Variants in RASSF6 observed in about 807,000 individuals in gnomAD.
The protein encoded by RASSF6 is ras association domain-containing protein 6.
In RASSF6, 52 loss-of-function variants were observed where a neutral mutation model predicts 44.0. The observed-to-expected ratio is 1.18, with a 90% CI of 0.95 to 1.49. The LOEUF (loss-of-function observed/expected upper bound fraction) is 1.49. Ranked by LOEUF, RASSF6 falls within the 40% of genes most tolerant of loss-of-function variation. The probability of loss-of-function intolerance (pLI) is 0.00; values close to 1 mark genes in which losing one functional copy is unlikely to be tolerated. For synonymous variants in RASSF6, 162 were observed against 124.6 expected, an observed-to-expected ratio of 1.30 and a Z score of -2.00; for missense variants, 464 against 393.3, an observed-to-expected ratio of 1.18 and a Z score of -1.52.
At chr4:73,620,159 C>T (rs1726607324) in intron 1 of RASSF6, 129 bp downstream of exon 1, 4 of 482,754 alleles carry the variant, frequency 8.3e-6, no homozygotes, top group Non-Finnish European at 1.0e-5. Context: ...GGCATGTGTG[C>T]GATTCAGGCT....
At chr4:73,605,277 A>G (rs556172314) in intron 2 of RASSF6, among the ~76,000 whole-genome samples, 11 of 152,322 alleles carry the variant, frequency 7.2e-5, no homozygotes, top group African/African-American at 2.4e-4. Flanking sequence ...ATGTTTTTGG[A>G]AAGATGGAAT....
intron 1 of RASSF6, among the ~76,000 whole-genome samples, chr4:73,618,754 C>A (rs1161341175): frequency 1.3e-5 from 2 of 152,098 alleles, no homozygotes; most frequent in Non-Finnish European, 2.9e-5. Flanking sequence ...AAAAAAGAAT[C>A]CATTAAAACA....
At chr4:73,578,724 T>G (rs543318403) in intron 8 of RASSF6, among the ~76,000 whole-genome samples, 1 of 151,910 alleles carries the variant, frequency 6.6e-6, no homozygotes, top group South Asian at 2.1e-4. Flanking sequence ...TTCTCCTGTC[T>G]CAGCTTCCTG....
chr4:73,587,511 A>G (rs1724189450), intron 5 of RASSF6, among the ~76,000 whole-genome samples: 1 of 152,064 alleles, frequency 6.6e-6, no homozygotes, highest in Non-Finnish European at 1.5e-5. Context: ...AAATGACTCT[A>G]ATCTTTGGGG....
chr4:73,618,412 C>T lies in RASSF6; in HGVS notation c.-35+1876G>A, dbSNP rs142533328. On this transcript the variant is annotated intron_variant, in intron 1 of 10. Coordinates refer to ENST00000307439, the MANE Select transcript of RASSF6 (RefSeq NM_177532.5). ...TTCAAATATGGTTAAATAAATTTAT[C>T]TCAATTGGGGCTACTATTCTTTATT... is the stretch of plus-strand genomic sequence containing the variant. Among the ~76,000 whole-genome samples the T allele has an allele frequency of 3.9e-3, 595 of 152,010 alleles. 3 individuals are homozygous for T. Among genetic ancestry groups the T allele is most frequent in the African/African-American group, 0.013 (554 of 41,488 alleles).
chr4:73,604,478 AC>A (rs1263907316), intron 2 of RASSF6: 3 of 151,298 alleles, frequency 2.0e-5, no homozygotes, highest in Non-Finnish European at 4.4e-5. Flanking sequence ...TCTCAAAAAA[AC>A]AAAACAAAAC....
At chr4:73,579,854 CTTTAT>C (rs949014608) in intron 8 of RASSF6, among the ~76,000 whole-genome samples, 31 of 151,370 alleles carry the variant, frequency 2.0e-4, no homozygotes, top group South Asian at 8.3e-4. Flanking sequence ...AAAAATAGAT[CTTTAT>C]TTTATTTTAT....
intron 3 of RASSF6, among the ~76,000 whole-genome samples, chr4:73,596,108 C>A (rs1413032017): frequency 1.3e-5 from 2 of 152,080 alleles, no homozygotes. Flanking sequence ...AAACATAAGG[C>A]CACTTTGTAC....
At chr4:73,603,068 A>T (rs1725390115) in intron 2 of RASSF6, among the ~76,000 whole-genome samples, 1 of 152,156 alleles carries the variant, frequency 6.6e-6, no homozygotes, top group South Asian at 2.1e-4. Context: ...AGCCTGGGCG[A>T]CGGAGCAAGT....
At chr4:73,591,859 A>G (rs1724583934) in intron 4 of RASSF6, among the ~76,000 whole-genome samples, 1 of 152,186 alleles carries the variant, frequency 6.6e-6, no homozygotes, top group South Asian at 2.1e-4. Flanking sequence ...CACTGGGATG[A>G]ATAAAGCAAA....
chr4:73,595,736 A>C (rs964527979), intron 3 of RASSF6, among the ~76,000 whole-genome samples: 4 of 152,162 alleles, frequency 2.6e-5, no homozygotes, highest in African/African-American at 9.7e-5. Context: ...ATACAGGACA[A>C]TGTTGAAATA....
Position 73,576,675 on chromosome 4 carries a change from G to T in RASSF6, c.778C>A (p.Pro260Thr), listed in dbSNP as rs752839642. 1.7e-5 allele frequency: 28 copies of T among 1,613,652 alleles called. No homozygotes were observed. In the African/African-American group the frequency reaches 2.5e-4, roughly 15 times the overall value. ...AAAATGCGAGCATTCTTTTCAGAAG[G>T]TCCCTGTAGGAGCCTCTGCAGTAGC... The part of the protein sequence containing the change: ...IPLLQRLLQG[P>T]SEKNARIFLM... Residue 260 changes from proline to threonine, a missense_variant, in exon 9 of 11, where the codon CCT becomes ACT. Coordinates refer to ENST00000307439, the MANE Select transcript of RASSF6 (RefSeq NM_177532.5).
chr4:73,582,004 G>C (rs562004896), intron 7 of RASSF6, 136 bp from the exon 8 acceptor site: 1 of 703,624 alleles, frequency 1.4e-6, no homozygotes, highest in East Asian at 2.8e-5. Context: ...CTGCTCTTAT[G>C]GGAATTATAT....
intron 6 of RASSF6, among the ~76,000 whole-genome samples, chr4:73,583,969 C>T (rs1160926473): frequency 1.3e-5 from 2 of 152,216 alleles, no homozygotes; most frequent in East Asian, 3.9e-4. Context: ...AATCTGAAAG[C>T]CACTTGCTTG....
intron 2 of RASSF6, among the ~76,000 whole-genome samples, chr4:73,601,538 G>A (rs2149387693): frequency 6.6e-6 from 1 of 152,364 alleles, no homozygotes; most frequent in East Asian, 1.9e-4. Flanking sequence ...ATTTTGGAGT[G>A]TTGAAGATTA....
intron 8 of RASSF6, among the ~76,000 whole-genome samples, chr4:73,578,627 T>A (rs890870226): frequency 3.6e-5 from 5 of 140,656 alleles, no homozygotes; most frequent in African/African-American, 1.0e-4. Flanking sequence ...TTTAAACAAA[T>A]CATTTTTTCT....
chr4:73,597,515 A>G (rs1725009834), intron 3 of RASSF6, among the ~76,000 whole-genome samples: 1 of 152,202 alleles, frequency 6.6e-6, no homozygotes, highest in Non-Finnish European at 1.5e-5. Flanking sequence ...ACCCTTATAC[A>G]CTGCTGGGGA....
At chr4:73,605,732 C>A (rs1725575083) in intron 2 of RASSF6, among the ~76,000 whole-genome samples, 1 of 152,240 alleles carries the variant, frequency 6.6e-6, no homozygotes, top group South Asian at 2.1e-4. Context: ...ACTCTTCCAA[C>A]TTCAAATACC....
At chr4:73,607,045 G>T (rs184239605) in intron 2 of RASSF6, among the ~76,000 whole-genome samples, 27 of 152,190 alleles carry the variant, frequency 1.8e-4, no homozygotes, top group Non-Finnish European at 3.2e-4. Context: ...CAGTAATGCT[G>T]CCATGACTTT....
Sources: gnomAD v4.1 joint callset for allele counts (sites outside exome capture counted in the v4.1 genomes callset) on GRCh38, gnomAD v4.1.1 for gene constraint, MANE v1.5 for transcripts, NCBI Gene and HGNC (gene_info 2026-07-23, HGNC 2026-07-21) for gene names.